ABCA10: variants seen among roughly 807,000 people sequenced by gnomAD.
ABCA10 encodes the protein ATP-binding cassette sub-family A member 10.
Under a neutral mutation model 187.5 loss-of-function variants are expected in ABCA10, and 169 were observed. That is an observed-to-expected ratio of 0.90 (90% CI 0.80 to 1.02). The LOEUF (loss-of-function observed/expected upper bound fraction) is 1.02, where lower values mean the gene tolerates loss of function less well. ABCA10 is among the 50% of genes least tolerant of loss of function. The pLI, the probability that ABCA10 is intolerant of heterozygous loss-of-function variation, is 0.00. For synonymous variants in ABCA10, 574 were observed against 601.8 expected (o/e 0.95, Z 0.68); for missense variants, 1,727 against 1,812.4 (o/e 0.95, Z 0.86).
intron 1 of ABCA10, chr17:69,234,421 T>C (rs923884464): frequency 2.0e-5 from 3 of 152,230 alleles, no homozygotes; most frequent in African/African-American, 7.2e-5. Context: ...CAGATGGTTT[T>C]GGTTGTAGGC....
intron 28 of ABCA10, 126 bp from the exon 29 acceptor site, chr17:69,156,051 T>C: frequency 8.8e-7 from 1 of 1,135,064 alleles, no homozygotes; most frequent in Non-Finnish European, 1.2e-6. Flanking sequence ...ATTTATTACC[T>C]ACAAGATTCT....
At chr17:69,243,808 G>A (rs2074921908) in intron 1 of ABCA10, among the ~76,000 whole-genome samples, 2 of 152,184 alleles carry the variant, frequency 1.3e-5, no homozygotes, top group South Asian at 4.1e-4. Context: ...TGAGGTGGGA[G>A]GATCACCTGA....
chr17:69,160,555 C>T (rs555425179), intron 27 of ABCA10, among the ~76,000 whole-genome samples: 36 of 151,888 alleles, frequency 2.4e-4, no homozygotes, highest in African/African-American at 8.7e-4. Flanking sequence ...TGCAGAGAGC[C>T]GAGATTGCAC....
intron 9 of ABCA10, among the ~76,000 whole-genome samples, chr17:69,211,310 ATATG>A (rs1159185264): frequency 1.5e-4 from 2 of 13,490 alleles, no homozygotes; most frequent in African/African-American, 7.6e-4. Context: ...TACATCATAT[ATATG>A]ATATATATAT....
rs9895725 is a variant in ABCA10 at position 69,222,873 on chromosome 17, C to T, written c.35-176G>A. 2.8e-3 allele frequency among the ~76,000 whole-genome samples: 420 copies of T among 152,210 alleles called. 1 individual carries two copies. The highest frequency in any genetic ancestry group is 9.9e-3 in the African/African-American group (410 of 41,532). On this transcript the variant is annotated intron_variant, in intron 3 of 38. Transcript: ENST00000690296. ...TATTGTTTTAAGTTCAATGCAAATA[C>T]ATGAAAAGACACAAAGGACACATTG... is the stretch of plus-strand genomic sequence containing the variant.
intron 25 of ABCA10, among the ~76,000 whole-genome samples, chr17:69,170,437 CA>C (rs71144658): frequency 0.59 from 64,346 of 109,600 alleles, 16,217 homozygotes; most frequent in Middle Eastern, 0.62. Flanking sequence ...TTTTACTCAT[CA>C]AAAAAAAAAA....
intron 9 of ABCA10, among the ~76,000 whole-genome samples, chr17:69,214,258 G>A (rs1479533899): frequency 6.6e-6 from 1 of 152,210 alleles, no homozygotes; most frequent in Non-Finnish European, 1.5e-5. Flanking sequence ...GCTCACGCCT[G>A]TAATCCCAGC....
In ABCA10 at chr17:69,155,054, A is replaced by AT. The variant is rs755309963; in HGVS notation, c.3658dup (p.Ile1220AsnfsTer11). On this transcript the variant is annotated frameshift_variant, in exon 30 of 39. Transcript: ENST00000690296. LOFTEE classifies it high-confidence loss of function. ...ACAAAAGGAAACATTTCTGATGGCTATTTTCTTCTTTCTTGTTGAAAAGCA... is the reference window on the plus strand; with the variant it reads ...ACAAAAGGAAACATTTCTGATGGCTATTTTTCTTCTTTCTTGTTGAAAAGCA... The AT allele has an allele frequency of 2.5e-6, 4 of 1,609,094 alleles. No individual in the cohort carries two copies. Among genetic ancestry groups the AT allele is most frequent in the Non-Finnish European group, 2.6e-6 (3 of 1,176,104 alleles).
Position 69,152,365 on chromosome 17 carries a change from A to G in ABCA10, c.4253T>C (p.Leu1418Pro), listed in dbSNP as rs1187678450. 1 of 1,613,534 alleles carries G rather than the reference A, an allele frequency of 6.2e-7. No individual in the cohort carries two copies. Among genetic ancestry groups the G allele is most frequent in the Non-Finnish European group, 8.5e-7 (1 of 1,179,774 alleles). ...GCTGGTCAGGACAGGCACCCACCTTAGCGTTCCTGACACCATCATGGCCAT... is the reference window on the plus strand; with the variant it reads ...GCTGGTCAGGACAGGCACCCACCTTGGCGTTCCTGACACCATCATGGCCAT... Reference protein sequence around the residue: ...DRMAMMVSGTLRCIGSIQHLK... With the variant: ...DRMAMMVSGTPRCIGSIQHLK... The change falls in exon 35 of 39, where the codon CTA (leucine) becomes CCA (proline). Residue 1418 changes from leucine (L) to proline (P), a missense_variant. By Grantham distance (98) the Leu-to-Pro change is moderately conservative (BLOSUM62 -3). Transcript: ENST00000690296.
intron 15 of ABCA10, 52 bp from the exon 16 acceptor site, chr17:69,192,705 G>A (rs1180787610): frequency 7.0e-7 from 1 of 1,436,820 alleles, no homozygotes; most frequent in Non-Finnish European, 9.7e-7. Context: ...TTCCTTATAT[G>A]GTATATTCTC....
At position 69,216,260 on chromosome 17, in the gene ABCA10, A is replaced by G. The variant is rs765715700; in HGVS notation, c.629T>C (p.Phe210Ser). 4.2e-5 allele frequency: 68 copies of G among 1,613,638 alleles called. No homozygotes were observed. The highest frequency in any genetic ancestry group is 1.2e-4 in the Admixed American group (7 of 59,990). Residue 210 changes from phenylalanine (F) to serine (S), a missense_variant, in exon 7 of 39, where the codon TTC becomes TCC. Physicochemically the swap from Phe to Ser is radical, Grantham distance 155. Transcript: ENST00000690296. ...GCTATAGAGTGTGAATATCACCATG[A>G]AGCCAGTATGAAATACAATTGGGAT... is the stretch of plus-strand genomic sequence containing the variant. ...TSIPIVFHTG[F>S]MVIFTLYSLY...
chr17:69,210,483 C>T (rs912952609), intron 9 of ABCA10, among the ~76,000 whole-genome samples: 2 of 151,744 alleles, frequency 1.3e-5, no homozygotes, highest in African/African-American at 2.4e-5. Context: ...GCCACCGCGC[C>T]CGGCCTTTAG....
At chr17:69,223,644 T>C in intron 3 of ABCA10, 1 of 446,210 alleles carries the variant, frequency 2.2e-6, no homozygotes, top group Non-Finnish European at 4.5e-6. Flanking sequence ...AAACTCCTCA[T>C]CCTTCCCAAT....
At chr17:69,175,603 C>T (rs895975222) in intron 22 of ABCA10, 90 bp from the exon 23 acceptor site, 15 of 1,079,666 alleles carry the variant, frequency 1.4e-5, no homozygotes, top group Admixed American at 2.9e-5. Flanking sequence ...TAAAGAAAAA[C>T]TCTAGAAGCA....
At chr17:69,171,540 C>T (rs1208555402) in intron 25 of ABCA10, among the ~76,000 whole-genome samples, 3 of 152,106 alleles carry the variant, frequency 2.0e-5, no homozygotes, top group African/African-American at 4.8e-5. Context: ...TTAAGTCAGA[C>T]AGGCAATATC....
At chr17:69,194,555 T>C in intron 11 of ABCA10, 60 bp from the exon 12 acceptor site, 1 of 1,244,472 alleles carries the variant, frequency 8.0e-7, no homozygotes, top group Non-Finnish European at 1.1e-6. Context: ...GAATGGACCT[T>C]AAAATTGGAA....
chr17:69,192,000 A>G (rs1347379556), intron 16 of ABCA10, among the ~76,000 whole-genome samples: 2 of 152,218 alleles, frequency 1.3e-5, no homozygotes, highest in African/African-American at 4.8e-5. Flanking sequence ...GGACATAAAG[A>G]TAATTTTTTT....
intron 9 of ABCA10, among the ~76,000 whole-genome samples, chr17:69,210,076 A>G (rs1363913454): frequency 3.4e-5 from 4 of 117,202 alleles, no homozygotes; most frequent in Admixed American, 9.4e-5. Context: ...AGCTTATGCT[A>G]TTACTTTATT....
At chr17:69,181,351 T>C (rs1003967616) in intron 22 of ABCA10, among the ~76,000 whole-genome samples, 1 of 152,178 alleles carries the variant, frequency 6.6e-6, no homozygotes, top group Non-Finnish European at 1.5e-5. Flanking sequence ...TTGTATATGG[T>C]AAACCAAAGT....
Sources: gnomAD v4.1 joint callset for allele counts (sites outside exome capture counted in the v4.1 genomes callset) on GRCh38, gnomAD v4.1.1 for gene constraint, MANE v1.5 for transcripts, NCBI Gene and HGNC (gene_info 2026-07-23, HGNC 2026-07-21) for gene names.